TLE2: variants seen among roughly 807,000 people sequenced by gnomAD.
TLE2 encodes transducin-like enhancer protein 2.
Under a neutral mutation model 97.2 loss-of-function variants are expected in TLE2, and 74 were observed. The ratio of observed to expected loss-of-function variants is 0.76; its 90% CI spans 0.63 to 0.92. The LOEUF (loss-of-function observed/expected upper bound fraction) is 0.92, where lower values mean the gene tolerates loss of function less well. Ranked by LOEUF, TLE2 falls within the 40% of genes least tolerant of loss-of-function variation. TLE2 has a pLI of 0.00. For synonymous variants in TLE2, 499 were observed against 432.1 expected (o/e 1.15, Z -1.92); for missense variants, 1,038 against 1,008.7 (o/e 1.03, Z -0.39).
upstream of TLE2, chr19:3,029,558 C>CGA (rs2090004433): frequency 9.3e-6 from 2 of 214,860 alleles, no homozygotes; most frequent in African/African-American, 7.3e-5. Context: ...ACCGTGGGAG[C>CGA]GGGGGGGGGG....
chr19:3,033,841 C>T (rs1436494126), upstream of TLE2, among the ~76,000 whole-genome samples: 1 of 151,894 alleles, frequency 6.6e-6, no homozygotes, highest in African/African-American at 2.4e-5. Flanking sequence ...CCAACCCCCA[C>T]CCCCCATCTC....
At chr19:3,012,312 C>T (rs1474229366) in intron 11 of TLE2, among the ~76,000 whole-genome samples, 1 of 152,162 alleles carries the variant, frequency 6.6e-6, no homozygotes, top group Non-Finnish European at 1.5e-5. Context: ...ACCTCCCATG[C>T]TCGAGTGATC....
intron 11 of TLE2, 135 bp downstream of exon 11, chr19:3,013,534 G>T: frequency 2.4e-6 from 2 of 846,734 alleles, no homozygotes; most frequent in Non-Finnish European, 3.2e-6. Context: ...AAAAAAAAAA[G>T]CACAGGGAAA....
chr19:3,043,364 C>CTTTTT (rs71337196), intron 1 of TLE2, among the ~76,000 whole-genome samples: 22 of 108,882 alleles, frequency 2.0e-4, no homozygotes, highest in African/African-American at 3.6e-4. Context: ...CCTTCTGCAG[C>CTTTTT]TTTTTTTTTT....
In TLE2 at chr19:3,002,485, A is replaced by C; in HGVS notation, c.1915T>G (p.Cys639Gly). The C allele has an allele frequency of 6.3e-7, 1 of 1,584,866 alleles. No individual in the cohort carries two copies. The highest frequency in any genetic ancestry group is 8.6e-7 in the Non-Finnish European group (1 of 1,165,814). Residue 639 changes from cysteine to glycine, a missense_variant, in exon 18 of 20, where the codon TGC becomes GGC. Cys to Gly is a radical substitution (Grantham distance 159). Coordinates refer to ENST00000262953, the MANE Select transcript of TLE2 (RefSeq NM_003260.5). ...FSSQIFSLGHCPNQDWLAVGM... is the reference protein window; with the variant it reads ...FSSQIFSLGHGPNQDWLAVGM... Reference sequence around the variant, plus strand: ...ACCGCCAGCCAGTCCTGGTTAGGGCAGTGGCCCAGGGAGAAAATCTGGGGG... The same window carrying C: ...ACCGCCAGCCAGTCCTGGTTAGGGCCGTGGCCCAGGGAGAAAATCTGGGGG...
At chr19:3,040,480 A>G (rs1362483123) in intron 1 of TLE2, among the ~76,000 whole-genome samples, 3 of 151,612 alleles carry the variant, frequency 2.0e-5, no homozygotes, top group African/African-American at 7.3e-5. Context: ...AGCTGGGACT[A>G]CAGGTGCACA....
At chr19:3,039,721 A>C (rs992246022) in intron 1 of TLE2, among the ~76,000 whole-genome samples, 2 of 152,182 alleles carry the variant, frequency 1.3e-5, no homozygotes, top group African/African-American at 4.8e-5. Context: ...AGAGGGATAG[A>C]GCCTCACCAA....
At chr19:3,033,368 C>T (rs889988200), upstream of TLE2, among the ~76,000 whole-genome samples, 3 of 152,134 alleles carry the variant, frequency 2.0e-5, no homozygotes, top group Non-Finnish European at 4.4e-5. Flanking sequence ...AGGGTTTCAC[C>T]ATGTTAGTCA....
chr19:3,036,699 GCCTCAGTTTAC>G (rs2090065718), intron 1 of TLE2, among the ~76,000 whole-genome samples: 2 of 152,186 alleles, frequency 1.3e-5, no homozygotes, highest in Admixed American at 6.5e-5. Flanking sequence ...CTCTCTTTGA[GCCTCAGTTTAC>G]CCAGATGCAC....
intron 11 of TLE2, among the ~76,000 whole-genome samples, chr19:3,012,100 G>C (rs2089609731): frequency 6.6e-6 from 1 of 151,836 alleles, no homozygotes; most frequent in Non-Finnish European, 1.5e-5. Flanking sequence ...CAAAAAATTA[G>C]CCAGGCGTGG....
chr19:3,027,899 C>T lies in TLE2; in HGVS notation c.187-26G>A, dbSNP rs183625835. ...CTGCAAAGGAAAAACCAAGTAAGAA[C>T]GTCTAGGGTGGAGATGGGTGCCCTC... is the stretch of plus-strand genomic sequence containing the variant. On this transcript the variant is annotated intron_variant, in intron 3 of 19. Coordinates refer to ENST00000262953, the MANE Select transcript of TLE2 (RefSeq NM_003260.5). The T allele has an allele frequency of 6.2e-6, 10 of 1,601,962 alleles. 1 individual carries two copies. The Admixed American group carries it at 1.7e-4, about 28-fold the overall frequency.
intron 12 of TLE2, 136 bp from the exon 13 acceptor site, chr19:3,009,838 C>G: frequency 1.0e-6 from 1 of 986,554 alleles, no homozygotes; most frequent in Non-Finnish European, 1.5e-6. Flanking sequence ...TGGGACACCT[C>G]CAGACCTCTG....
intron 19 of TLE2, 120 bp from the exon 20 acceptor site, chr19:2,998,075 T>C: frequency 1.5e-6 from 1 of 666,806 alleles, no homozygotes; most frequent in Non-Finnish European, 2.6e-6. Context: ...CAGAGTGACG[T>C]GTTTCTTTTT....
intron 11 of TLE2, 83 bp from the exon 12 acceptor site, chr19:3,011,243 G>A: frequency 1.4e-6 from 2 of 1,439,026 alleles, no homozygotes; most frequent in East Asian, 2.5e-5. Flanking sequence ...TGGGGTTGGG[G>A]GCGGCCAGTC....
At chr19:3,032,970 G>A (rs969640535), upstream of TLE2, among the ~76,000 whole-genome samples, 30 of 149,020 alleles carry the variant, frequency 2.0e-4, no homozygotes, top group African/African-American at 7.1e-4. The surrounding 1 kb of genome is among the most constrained non-coding windows in gnomAD (Gnocchi z 4.1). Flanking sequence ...GTCATGCTCT[G>A]TCGTCCAGGC....
Position 3,002,448 on chromosome 19 carries a change from C to A in TLE2, c.1952G>T (p.Ser651Ile), listed in dbSNP as rs553174552. The change falls in exon 18 of 20, where the codon AGT becomes ATT. Residue 651 changes from serine (S) to isoleucine (I), a missense_variant. Ser to Ile is a moderately radical substitution (Grantham distance 142). Transcript: ENST00000262953. ...GACGTGCAGGATCTCCACGTTGCTA[C>A]TCTCCATTCCGACCGCCAGCCAGTC... ...NQDWLAVGME[S>I]SNVEILHVRK... is the part of the protein sequence containing the mutation. 1 of 1,608,856 alleles carries A rather than the reference C, an allele frequency of 6.2e-7. No individual in the cohort carries two copies. Among genetic ancestry groups the A allele is most frequent in the Admixed American group, 1.7e-5 (1 of 59,040 alleles).
At position 2,997,793 on chromosome 19, in the gene TLE2, G is replaced by C. The variant is rs746114921; in HGVS notation, c.*55C>G. On this transcript the variant is annotated 3_prime_UTR_variant, in exon 20 of 20. Transcript: ENST00000262953. ...AGGCGGCTGCTAGGATGTCTGTCCT[G>C]GCTGCTGATTCCCCTGGGAGTCTGG... The C allele has an allele frequency of 7.5e-7, 1 of 1,335,022 alleles. No homozygotes were observed. The allele number at this position is 1,335,022 out of a possible 1,614,324, so 82.7% of individuals were successfully genotyped here. A position where few individuals can be genotyped will look rare whatever the true frequency, so the allele number is the denominator to read the frequency against.
chr19:3,001,477 C>A (rs1042207722), intron 18 of TLE2, among the ~76,000 whole-genome samples: 18 of 151,894 alleles, frequency 1.2e-4, no homozygotes, highest in African/African-American at 7.3e-5. Flanking sequence ...GATATACTTA[C>A]ACTAATGAAT....
Position 3,006,352 on chromosome 19 carries a change from C to T in TLE2, c.1500+68G>A, listed in dbSNP as rs113398377. On this transcript the variant is annotated intron_variant, in intron 15 of 19. Transcript: ENST00000262953. The stretch of plus-strand genomic sequence containing the variant: ...CCACCCACGGCCAGCCTGCGAACAC[C>T]GCCCCATTGGAACATAAGCCCCACC... 7.8e-5 allele frequency: 121 copies of T among 1,558,426 alleles called. No individual in the cohort carries two copies. In the Middle Eastern group the frequency reaches 2.1e-3, roughly 27 times the overall value.
Sources: gnomAD v4.1 joint callset for allele counts (sites outside exome capture counted in the v4.1 genomes callset) on GRCh38, gnomAD v4.1.1 for gene constraint, Gnocchi (gnomAD v3.1) non-coding constraint, MANE v1.5 for transcripts, NCBI Gene and HGNC (gene_info 2026-07-23, HGNC 2026-07-21) for gene names.